FLNB: variants seen among roughly 807,000 people sequenced by gnomAD.
The protein encoded by FLNB is filamin B.
In FLNB, 111 loss-of-function variants were observed where a neutral mutation model predicts 250.6. That is an observed-to-expected ratio of 0.44 (90% CI 0.38 to 0.52). The LOEUF is 0.52. FLNB is among the 20% of genes least tolerant of loss of function. FLNB has a pLI of 0.00. For missense variants in FLNB, 2,869 were observed against 3,447.8 expected (o/e 0.83, Z 4.20); for synonymous variants, 1,302 against 1,372.1 (o/e 0.95, Z 1.13).
intron 1 of FLNB, among the ~76,000 whole-genome samples, chr3:58,009,294 G>A (rs60162943): frequency 0.015 from 2,294 of 152,258 alleles, 71 homozygotes; most frequent in African/African-American, 0.053. Flanking sequence ...CTGAATGGGC[G>A]TTGGCTCGGA....
rs1478223890 is a variant in FLNB, at chr3:58,143,399, C to G, written c.5285-74C>G. On this transcript the variant is annotated intron_variant, in intron 31 of 45. Transcript: ENST00000295956. ...CTGGAAACCTTTATTTTGAATACAT[C>G]TGTGCCTTGGGCTCTGCTTCTCTGG... The G allele has an allele frequency of 2.0e-6, 3 of 1,532,336 alleles. No individual in the cohort carries two copies. The African/African-American group carries it at 4.1e-5, about 21-fold the overall frequency. 94.9% of individuals were successfully genotyped at this position (1,532,336 alleles called of 1,614,324 possible).
At chr3:58,049,258 G>T (rs1039838283) in intron 1 of FLNB, among the ~76,000 whole-genome samples, 2 of 152,088 alleles carry the variant, frequency 1.3e-5, no homozygotes, top group African/African-American at 4.8e-5. Flanking sequence ...CCGCCTTCTC[G>T]GGGATGGCCA....
rs1209481803 is a variant in FLNB, at chr3:58,171,000, T to G, written c.*238T>G. On this transcript the variant is annotated 3_prime_UTR_variant, in exon 46 of 46. Coordinates refer to ENST00000295956, the MANE Select transcript of FLNB (RefSeq NM_001457.4). ...CTGAGAAGATCCTGAGTACACTAGG[T>G]GCAAACCAGAACTCTTGGTGGAACA... is the stretch of plus-strand genomic sequence containing the variant. 2 of 515,870 alleles carry G rather than the reference T, an allele frequency of 3.9e-6. No individual in the cohort carries two copies. The highest frequency in any genetic ancestry group is 7.0e-6 in the Non-Finnish European group (2 of 285,214). The allele number at this position is 515,870 out of a possible 1,614,324, so 32.0% of individuals were successfully genotyped here.
At chr3:58,060,633 G>T (rs1222204474) in intron 1 of FLNB, among the ~76,000 whole-genome samples, 1 of 151,336 alleles carries the variant, frequency 6.6e-6, no homozygotes, top group East Asian at 2.0e-4. Context: ...GATTATAGGC[G>T]TGAGCTACTG....
At position 58,040,581 on chromosome 3, in the gene FLNB, G is replaced by A. The variant is rs139050323; in HGVS notation, c.292+31725G>A. On this transcript the variant is annotated intron_variant, in intron 1 of 45. Coordinates refer to ENST00000295956, the MANE Select transcript of FLNB (RefSeq NM_001457.4). ...CTGATCTCGGCTCACTGCAACCTCC[G>A]TCTCACTGGTTCAAGCGATTCTCCT... Among the ~76,000 whole-genome samples the A allele has an allele frequency of 1.7e-3, 265 of 152,252 alleles. 1 individual carries two copies. Among genetic ancestry groups the A allele is most frequent in the East Asian group, 7.7e-3 (40 of 5,176 alleles).
chr3:58,067,310 G>A (rs2106907337), intron 1 of FLNB, among the ~76,000 whole-genome samples: 1 of 151,972 alleles, frequency 6.6e-6, no homozygotes, highest in East Asian at 1.9e-4. Flanking sequence ...AACATGAAAA[G>A]ACCTGCCAAG....
At chr3:58,046,573 C>A (rs1005934796) in intron 1 of FLNB, among the ~76,000 whole-genome samples, 1 of 151,778 alleles carries the variant, frequency 6.6e-6, no homozygotes, top group Non-Finnish European at 1.5e-5. Flanking sequence ...CCTCAGCCTT[C>A]CGAGTAGCTG....
intron 38 of FLNB, among the ~76,000 whole-genome samples, chr3:58,153,134 G>A (rs1413698500): frequency 2.6e-5 from 4 of 152,212 alleles, no homozygotes; most frequent in Admixed American, 6.5e-5. Context: ...CATGATGGAT[G>A]ACCACGTCAC....
At position 58,118,915 on chromosome 3, in the gene FLNB, C is replaced by T. The variant is rs1177076184; in HGVS notation, c.2789C>T (p.Pro930Leu). 1.9e-6 allele frequency: 3 copies of T among 1,614,110 alleles called. No individual in the cohort carries two copies. Among genetic ancestry groups the T allele is most frequent in the East Asian group, 2.2e-5 (1 of 44,870 alleles). ...GTGACTTACGGTGGCGATCCCATCC[C>T]TAAAAGCCCTTTCACTGTGGGTGTT... Reference protein sequence around the residue: ...VLVTYGGDPIPKSPFTVGVAA... With the variant: ...VLVTYGGDPILKSPFTVGVAA... The change falls in exon 19 of 46, where the codon CCT becomes CTT. Residue 930 changes from proline (P) to leucine (L), a missense_variant. Physicochemically the swap from Pro to Leu is moderately conservative, Grantham distance 98. Around this residue, in one of 5 missense-constraint regions of FLNB, gnomAD observed 1,348 missense variants for 1,466.7 expected, o/e 0.92. Transcript: ENST00000295956.
chr3:58,064,343 G>A (rs766207425), intron 1 of FLNB, among the ~76,000 whole-genome samples: 42 of 152,020 alleles, frequency 2.8e-4, no homozygotes, highest in Admixed American at 4.6e-4. Flanking sequence ...GTTTCACCAT[G>A]GCTGGTCTCA....
chr3:58,008,847 G>A lies in FLNB; in HGVS notation c.283G>A (p.Val95Met). The change falls in exon 1 of 46, where the codon GTG (valine) becomes ATG (methionine). Residue 95 changes from valine (V) to methionine (M), a missense_variant. Physicochemically the swap from Val to Met is conservative, Grantham distance 21. Around this residue, in one of 5 missense-constraint regions of FLNB, gnomAD observed 308 missense variants for 466.1 expected, o/e 0.66. Transcript: ENST00000295956. ...CCTGGACCGTGAGAGCATCAAGCTC[G>A]TGTCCATCGGTGAGTTCTCTGGCCG... ...EFLDRESIKL[V>M]SIDSKAIVDG... The A allele has an allele frequency of 5.0e-6, 8 of 1,613,726 alleles. No homozygotes were observed. Among genetic ancestry groups the A allele is most frequent in the Non-Finnish European group, 6.8e-6 (8 of 1,180,006 alleles).
intron 9 of FLNB, 37 bp downstream of exon 9, chr3:58,102,377 T>G: frequency 6.2e-7 from 1 of 1,611,532 alleles, no homozygotes; most frequent in Non-Finnish European, 8.5e-7. Context: ...CAGGTGTGGT[T>G]TTGGCTAACT....
intron 1 of FLNB, among the ~76,000 whole-genome samples, chr3:58,026,141 C>T (rs944310031): frequency 2.6e-5 from 4 of 152,160 alleles, no homozygotes; most frequent in Non-Finnish European, 4.4e-5. Flanking sequence ...CATGGGCTAC[C>T]GCTTCTCTTT....
At chr3:58,112,441 G>A (rs2107131524) in intron 18 of FLNB, 123 bp downstream of exon 18, 1 of 981,444 alleles carries the variant, frequency 1.0e-6, no homozygotes, top group South Asian at 1.3e-5. Context: ...CTCCCTGATG[G>A]GAGGCAGCTC....
chr3:58,042,814 A>G (rs2106806941), intron 1 of FLNB, among the ~76,000 whole-genome samples: 1 of 152,258 alleles, frequency 6.6e-6, no homozygotes, highest in South Asian at 2.1e-4. Context: ...GCTAGTCATT[A>G]TAGATTTATC....
chr3:58,055,463 G>C (rs940705515), intron 1 of FLNB, among the ~76,000 whole-genome samples: 1 of 152,138 alleles, frequency 6.6e-6, no homozygotes. Context: ...AAGAGTCTGC[G>C]TGAGAGATGA....
chr3:58,146,065 C>T lies in FLNB; in HGVS notation c.5554+16C>T, dbSNP rs200748479. The T allele has an allele frequency of 9.3e-6, 15 of 1,614,018 alleles. No homozygotes were observed. Among genetic ancestry groups the T allele is most frequent in the African/African-American group, 4.0e-5 (3 of 75,030 alleles). ...GCAGGAGAAGGTACTGTGTGGTTTA[C>T]GTGTTTATACGCCTCCAGCTGTCCA... On this transcript the variant is annotated intron_variant, in intron 33 of 45. Coordinates refer to ENST00000295956, the MANE Select transcript of FLNB (RefSeq NM_001457.4).
At chr3:58,163,071 C>G in intron 42 of FLNB, 83 bp from the exon 43 acceptor site, 1 of 1,382,486 alleles carries the variant, frequency 7.2e-7, no homozygotes, top group Non-Finnish European at 1.0e-6. Context: ...GCCATCTCAG[C>G]TTGGCCTCCA....
intron 37 of FLNB, 26 bp from the exon 38 acceptor site, chr3:58,150,079 C>T (rs1378560756): frequency 6.2e-7 from 1 of 1,614,038 alleles, no homozygotes; most frequent in Non-Finnish European, 8.5e-7. Flanking sequence ...CTGGCCTGCT[C>T]ACAGGAGCCT....
Sources: allele counts gnomAD v4.1 joint callset (sites outside exome capture counted in the v4.1 genomes callset), GRCh38; gene constraint gnomAD v4.1.1; regional missense constraint gnomAD v4.1.1; transcripts MANE v1.5; gene names NCBI Gene and HGNC (gene_info 2026-07-23, HGNC 2026-07-21).